SULF1: variants seen among roughly 807,000 people sequenced by gnomAD.
SULF1 encodes the protein extracellular sulfatase Sulf-1.
Under a neutral mutation model 110.5 loss-of-function variants are expected in SULF1, and 46 were observed. The observed-to-expected ratio is 0.42, with a 90% CI of 0.33 to 0.53. The LOEUF (loss-of-function observed/expected upper bound fraction) is 0.53. Ranked by LOEUF, SULF1 falls within the 20% of genes least tolerant of loss-of-function variation. The pLI is 0.12. For missense variants in SULF1, 941 were observed against 1,094.2 expected, an observed-to-expected ratio of 0.86 and a Z score of 1.98; for synonymous variants, 371 against 387.1, an observed-to-expected ratio of 0.96 and a Z score of 0.49.
rs116431736 is a variant in SULF1, at chr8:69,505,955, T to C, written c.-134+3987T>C. ...AGTTGGTCTTTTCTTTATAAGTATA[T>C]ACTAAGTAGAATCATAGAAAATTGC... On this transcript the variant is annotated intron_variant, in intron 3 of 22. Transcript: ENST00000402687. Among the ~76,000 whole-genome samples the C allele has an allele frequency of 4.7e-4, 72 of 152,174 alleles. 1 individual carries two copies. The highest frequency in any genetic ancestry group is 1.7e-3 in the African/African-American group (70 of 41,524).
chr8:69,510,296 A>G (rs1164443663), intron 3 of SULF1, among the ~76,000 whole-genome samples: 3 of 152,194 alleles, frequency 2.0e-5, no homozygotes. Flanking sequence ...TGAGAGAAGT[A>G]TGGTTTAATG....
intron 3 of SULF1, among the ~76,000 whole-genome samples, chr8:69,502,746 G>T (rs1470382256): frequency 7.0e-6 from 1 of 143,482 alleles, no homozygotes; most frequent in Non-Finnish European, 1.5e-5. Context: ...GGAGTGTAGT[G>T]GTGTGATCTT....
chr8:69,590,517 T>C (rs1314103613), intron 8 of SULF1, among the ~76,000 whole-genome samples: 1 of 152,196 alleles, frequency 6.6e-6, no homozygotes, highest in Non-Finnish European at 1.5e-5. Context: ...TTATGACTCC[T>C]GGTCAGTGGT....
At chr8:69,580,295 T>C (rs2079182762) in intron 6 of SULF1, among the ~76,000 whole-genome samples, 1 of 152,196 alleles carries the variant, frequency 6.6e-6, no homozygotes, top group African/African-American at 2.4e-5. Flanking sequence ...ATGATTATCC[T>C]GCCTGAAATC....
chr8:69,568,681 C>T (rs1804984376), intron 5 of SULF1, among the ~76,000 whole-genome samples: 2 of 152,114 alleles, frequency 1.3e-5, no homozygotes, highest in Non-Finnish European at 2.9e-5. Context: ...AGAAGTTGTT[C>T]ACGTTGTGCC....
chr8:69,623,498 A>G (rs920528760), intron 14 of SULF1, among the ~76,000 whole-genome samples: 1 of 152,278 alleles, frequency 6.6e-6, no homozygotes, highest in Non-Finnish European at 1.5e-5. Flanking sequence ...AATATGAAGT[A>G]TATAATACAT....
chr8:69,500,284 A>G (rs1810702095), intron 2 of SULF1, among the ~76,000 whole-genome samples: 1 of 152,116 alleles, frequency 6.6e-6, no homozygotes, highest in African/African-American at 2.4e-5. Flanking sequence ...TTTTCATGTA[A>G]TCCTCACATC....
At chr8:69,640,343 G>A (rs753535625) in intron 21 of SULF1, among the ~76,000 whole-genome samples, 3 of 152,088 alleles carry the variant, frequency 2.0e-5, no homozygotes, top group Admixed American at 6.6e-5. Flanking sequence ...AAATCTGATC[G>A]AGTCCCTTAA....
chr8:69,573,931 C>A (rs186257849), intron 5 of SULF1, among the ~76,000 whole-genome samples: 10 of 152,334 alleles, frequency 6.6e-5, no homozygotes, highest in African/African-American at 2.2e-4. Context: ...TCATGCATCA[C>A]CACATCACTT....
intron 13 of SULF1, among the ~76,000 whole-genome samples, chr8:69,606,791 A>T (rs4738000): frequency 0.5 from 75,721 of 152,044 alleles, 19,211 homozygotes; most frequent in East Asian, 0.62. Context: ...AAATGCTTTC[A>T]TATCTGGAAT....
chr8:69,626,791 A>G (rs1212198666), intron 15 of SULF1, among the ~76,000 whole-genome samples: 1 of 152,206 alleles, frequency 6.6e-6, no homozygotes, highest in Non-Finnish European at 1.5e-5. Flanking sequence ...GCCCACGCCC[A>G]TCCGGAACTC....
chr8:69,508,230 C>T (rs1331150800), intron 3 of SULF1, among the ~76,000 whole-genome samples: 6 of 152,020 alleles, frequency 3.9e-5, no homozygotes, highest in South Asian at 2.1e-4. Context: ...CTCAGCCTCC[C>T]GAATAGCTGG....
At chr8:69,559,868 G>C (rs1815356497) in intron 3 of SULF1, among the ~76,000 whole-genome samples, 1 of 152,182 alleles carries the variant, frequency 6.6e-6, no homozygotes, top group Non-Finnish European at 1.5e-5. Flanking sequence ...TTCATCTTAA[G>C]TGAAGCTGGG....
chr8:69,496,315 A>G (rs1001661851), intron 2 of SULF1, among the ~76,000 whole-genome samples: 5 of 152,278 alleles, frequency 3.3e-5, no homozygotes, highest in Non-Finnish European at 7.3e-5. Context: ...ACCTCTAAAT[A>G]TAAAGAGCCT....
chr8:69,600,175 C>CA, intron 8 of SULF1, among the ~76,000 whole-genome samples: 1 of 152,134 alleles, frequency 6.6e-6, no homozygotes, highest in East Asian at 1.9e-4. Context: ...CATCATTCCA[C>CA]ATAACGTATT....
At chr8:69,566,062 G>A (rs112362197) in intron 5 of SULF1, among the ~76,000 whole-genome samples, 191 of 151,890 alleles carry the variant, frequency 1.3e-3, no homozygotes, top group African/African-American at 4.2e-3. Context: ...TTTGCACCCC[G>A]AGAACACGAC....
chr8:69,593,635 T>C (rs1362789346), intron 8 of SULF1, among the ~76,000 whole-genome samples: 2 of 152,282 alleles, frequency 1.3e-5, no homozygotes, highest in Non-Finnish European at 2.9e-5. Context: ...GAGCTTATGC[T>C]TACCAAGGAA....
At chr8:69,642,153 TTAA>T in intron 22 of SULF1, 1 of 818,498 alleles carries the variant, frequency 1.2e-6, no homozygotes, top group Non-Finnish European at 1.5e-6. Context: ...TTTATCTATA[TTAA>T]TATCTTCTTT....
At chr8:69,590,279 A>T (rs933662016) in intron 8 of SULF1, among the ~76,000 whole-genome samples, 1 of 151,980 alleles carries the variant, frequency 6.6e-6, no homozygotes, top group Non-Finnish European at 1.5e-5. Flanking sequence ...CTCCCACCTC[A>T]GGCTTCTGAG....
Sources: gnomAD v4.1 joint callset for allele counts (sites outside exome capture counted in the v4.1 genomes callset) on GRCh38, gnomAD v4.1.1 for gene constraint, MANE v1.5 for transcripts, NCBI Gene and HGNC (gene_info 2026-07-23, HGNC 2026-07-21) for gene names.